The following EIF5B variants were observed in gnomAD, a reference collection of about 807,000 sequenced individuals.
EIF5B encodes the protein eIF-5B.
EIF5B carries 47 observed loss-of-function variants against 147.5 expected under a neutral mutation model. The observed-to-expected ratio is 0.32, with a 90% CI of 0.25 to 0.41. The LOEUF (loss-of-function observed/expected upper bound fraction) is 0.41. EIF5B is among the 10% of genes least tolerant of loss of function. The probability of loss-of-function intolerance (pLI) is 1.00; values close to 1 mark genes in which losing one functional copy is unlikely to be tolerated. For synonymous variants in EIF5B, 455 were observed against 456.2 expected (o/e 1.00, Z 0.03); for missense variants, 1,064 against 1,413.2 (o/e 0.75, Z 3.96).
intron 22 of EIF5B, chr2:99,397,496 T>C (rs1176384965): frequency 6.6e-6 from 1 of 152,198 alleles, no homozygotes; most frequent in South Asian, 2.1e-4. Flanking sequence ...TCCATTCTTT[T>C]TGAAGTGTCC....
chr2:99,398,872 G>A lies in EIF5B; in HGVS notation c.3518G>A (p.Gly1173Glu). 6.2e-7 allele frequency: 1 copy of A among 1,613,568 alleles called. No individual in the cohort carries two copies. Among genetic ancestry groups the A allele is most frequent in the Non-Finnish European group, 8.5e-7 (1 of 1,179,884 alleles). The change falls in exon 23 of 24, where the codon GGA becomes GAA. Residue 1173 changes from glycine to glutamate, a missense_variant. Gly to Glu is a moderately conservative substitution (Grantham distance 98). Coordinates refer to ENST00000289371, the MANE Select transcript of EIF5B (RefSeq NM_015904.4). ...PIPGESPKMFGRHFEATDILV... is the reference protein window; with the variant it reads ...PIPGESPKMFERHFEATDILV... ...CCTGGTGAGTCACCCAAAATGTTTGGAAGACATTTTGAAGCTACAGATATT... is the reference window on the plus strand; with the variant it reads ...CCTGGTGAGTCACCCAAAATGTTTGAAAGACATTTTGAAGCTACAGATATT...
At position 99,361,373 on chromosome 2, in the gene EIF5B, A is replaced by G. The variant is rs200355647; in HGVS notation, c.472A>G (p.Asn158Asp). 2.3e-4 allele frequency: 364 copies of G among 1,611,424 alleles called. No individual in the cohort carries two copies. Among genetic ancestry groups the G allele is most frequent in the Non-Finnish European group, 3.0e-4 (356 of 1,179,466 alleles). The change falls in exon 4 of 24, where the codon AAT becomes GAT. Residue 158 changes from asparagine (N) to aspartate (D), a missense_variant. Coordinates refer to ENST00000289371, the MANE Select transcript of EIF5B (RefSeq NM_015904.4). ...AGCTAAAGGGAAAGCTCAAAAATCA[A>G]ATAAGAAGTGGGATGGGTCAGAGGA... The part of the protein sequence containing the change: ...KKAKGKAQKS[N>D]KKWDGSEEDE...
chr2:99,372,989 A>G (rs535539294), intron 9 of EIF5B, among the ~76,000 whole-genome samples: 18 of 151,516 alleles, frequency 1.2e-4, no homozygotes, highest in South Asian at 2.1e-4. Flanking sequence ...TAGATTGTCT[A>G]TTTCTCCTGA....
At chr2:99,393,182 C>CA in intron 18 of EIF5B, 84 bp downstream of exon 18, 1 of 1,264,424 alleles carries the variant, frequency 7.9e-7, no homozygotes, top group Non-Finnish European at 1.0e-6. Context: ...GGATGGTGAC[C>CA]AAAACTGGCT....
Position 99,371,641 on chromosome 2 carries a change from A to C in EIF5B, c.1478-15A>C. On this transcript the variant is annotated splice_polypyrimidine_tract_variant and intron_variant, in intron 8 of 23. Transcript: ENST00000289371. ...AAATAATTTTTGTGTCTTAAATGCA[A>C]ATTTTTACTTACAGAAGAAGAAGAA... The C allele has an allele frequency of 6.2e-7, 1 of 1,606,668 alleles. No homozygotes were observed. Among genetic ancestry groups the C allele is most frequent in the Non-Finnish European group, 8.5e-7 (1 of 1,177,484 alleles).
intron 17 of EIF5B, among the ~76,000 whole-genome samples, chr2:99,392,370 G>A (rs193285486): frequency 2.0e-5 from 3 of 152,246 alleles, no homozygotes; most frequent in African/African-American, 7.2e-5. Flanking sequence ...TACTAATAAT[G>A]CTGCTGCTGT....
chr2:99,368,457 A>G, intron 6 of EIF5B, 36 bp from the exon 7 acceptor site: 1 of 1,454,564 alleles, frequency 6.9e-7, no homozygotes, highest in South Asian at 1.1e-5. Flanking sequence ...ACATGCAAGT[A>G]GTATAAGCCT....
chr2:99,366,279 C>T (rs1323879860), intron 6 of EIF5B, among the ~76,000 whole-genome samples: 1 of 152,154 alleles, frequency 6.6e-6, no homozygotes, highest in Non-Finnish European at 1.5e-5. Context: ...GAGCAGTAGT[C>T]AGTTGATTAA....
chr2:99,384,676 A>C (rs1463186065), intron 14 of EIF5B, among the ~76,000 whole-genome samples: 2 of 152,236 alleles, frequency 1.3e-5, no homozygotes, highest in Non-Finnish European at 2.9e-5. Context: ...AGCTGATTTC[A>C]ACTCTCATGT....
chr2:99,399,327 T>A lies in EIF5B; in HGVS notation c.3576T>A (p.Asp1192Glu). ...LVSKISRQSIDALKDWFRDEM... is the reference protein window; with the variant it reads ...LVSKISRQSIEALKDWFRDEM... ...TGCAGATCAGCCGGCAGTCCATTGA[T>A]GCACTCAAAGACTGGTTCAGAGATG... is the stretch of plus-strand genomic sequence containing the variant. The change falls in exon 24 of 24, where the codon GAT (aspartate) becomes GAA (glutamate). Residue 1192 changes from aspartate (D) to glutamate (E), a missense_variant. Asp to Glu is a conservative substitution (Grantham distance 45). Coordinates refer to ENST00000289371, the MANE Select transcript of EIF5B (RefSeq NM_015904.4). 1.2e-6 allele frequency: 2 copies of A among 1,614,150 alleles called. No homozygotes were observed. The highest frequency in any genetic ancestry group is 1.7e-6 in the Non-Finnish European group (2 of 1,180,022).
intron 5 of EIF5B, 70 bp from the exon 6 acceptor site, chr2:99,364,201 A>G (rs765478185): frequency 6.7e-7 from 1 of 1,500,058 alleles, no homozygotes; most frequent in Non-Finnish European, 8.9e-7. Flanking sequence ...TGAAGTTTGG[A>G]TTGTTTACAT....
intron 1 of EIF5B, among the ~76,000 whole-genome samples, chr2:99,354,992 CG>C (rs939189685): frequency 6.6e-6 from 1 of 151,822 alleles, no homozygotes; most frequent in African/African-American, 2.4e-5. Context: ...TTAGTAGAGA[CG>C]GAGTTTTACC....
At position 99,376,397 on chromosome 2, in the gene EIF5B, G is replaced by A. The variant is rs777376718; in HGVS notation, c.1603G>A (p.Glu535Lys). 6.5e-7 allele frequency: 1 copy of A among 1,548,524 alleles called. No homozygotes were observed. ...AGTAAAAGAAAACCCTGAAGAGGAG[G>A]AGGAGGAGGAAGAAGAGGAAGAAGA... ...IEVKENPEEE[E>K]EEEEEEEEDE... Residue 535 changes from glutamate to lysine, a missense_variant, in exon 10 of 24, where the codon GAG becomes AAG. Physicochemically the swap from Glu to Lys is moderately conservative, Grantham distance 56. Transcript: ENST00000289371.
chr2:99,364,103 A>G lies in EIF5B; in HGVS notation c.1138-168A>G, dbSNP rs568584298. Among the ~76,000 whole-genome samples the G allele has an allele frequency of 2.9e-4, 44 of 152,242 alleles. 3 individuals carry two copies. Among genetic ancestry groups the G allele is most frequent in the African/African-American group, 1.0e-3 (43 of 41,484 alleles). ...ATCATTGCCAATAATCTGATGTGATATTAATTAATAATCATGTATAACATT... is the reference window on the plus strand; with the variant it reads ...ATCATTGCCAATAATCTGATGTGATGTTAATTAATAATCATGTATAACATT... On this transcript the variant is annotated intron_variant, in intron 5 of 23. Transcript: ENST00000289371.
chr2:99,344,075 C>T (rs939263818), intron 1 of EIF5B, among the ~76,000 whole-genome samples: 13 of 151,692 alleles, frequency 8.6e-5, no homozygotes, highest in East Asian at 2.0e-4. Flanking sequence ...CCTGCTACCA[C>T]GCCTGGCTAG....
At chr2:99,385,306 A>C (rs1018214993) in intron 14 of EIF5B, among the ~76,000 whole-genome samples, 3 of 152,202 alleles carry the variant, frequency 2.0e-5, no homozygotes, top group Non-Finnish European at 4.4e-5. Flanking sequence ...CGGCCTGCCA[A>C]AGTGCTGGGA....
At chr2:99,399,252 T>G (rs1444711816) in intron 23 of EIF5B, 55 bp from the exon 24 acceptor site, 4 of 1,551,118 alleles carry the variant, frequency 2.6e-6, no homozygotes, top group South Asian at 1.1e-5. Flanking sequence ...GCCACAGCTT[T>G]CTTTGGCACG....
intron 8 of EIF5B, among the ~76,000 whole-genome samples, chr2:99,369,747 C>CAGATGGATCA (rs1250927554): frequency 6.6e-6 from 1 of 152,148 alleles, no homozygotes; most frequent in Non-Finnish European, 1.5e-5. Flanking sequence ...GAGGGTGAGG[C>CAGATGGATCA]AGATGGATCA....
chr2:99,361,653 G>T lies in EIF5B; in HGVS notation c.752G>T (p.Arg251Leu). 6.3e-7 allele frequency: 1 copy of T among 1,597,482 alleles called. No homozygotes were observed. The highest frequency in any genetic ancestry group is 8.5e-7 in the Non-Finnish European group (1 of 1,176,182). The change falls in exon 4 of 24, where the codon CGG (arginine) becomes CTG (leucine). Residue 251 changes from arginine to leucine, a missense_variant. Arg to Leu is a moderately radical substitution (Grantham distance 102). Around this residue, in one of 4 missense-constraint regions of EIF5B, gnomAD observed 458 missense variants for 451.3 expected, o/e 1.01. Transcript: ENST00000289371. ...KKRDEEKAKL[R>L]KLKEKEELET... Reference sequence around the variant, plus strand: ...CGAGATGAAGAAAAAGCGAAACTGCGGAAGCTGAAAGAAAAAGAAGAGTTA... The same window carrying T: ...CGAGATGAAGAAAAAGCGAAACTGCTGAAGCTGAAAGAAAAAGAAGAGTTA...
Sources: allele counts gnomAD v4.1 joint callset (sites outside exome capture counted in the v4.1 genomes callset), GRCh38; gene constraint gnomAD v4.1.1; regional missense constraint gnomAD v4.1.1; transcripts MANE v1.5; gene names NCBI Gene and HGNC (gene_info 2026-07-23, HGNC 2026-07-21).